Variants in ZC3H3 observed in about 807,000 individuals in gnomAD.
ZC3H3 encodes the protein zinc finger CCCH-type containing 3.
ZC3H3 carries 36 observed loss-of-function variants against 77.3 expected under a neutral mutation model. That is an observed-to-expected ratio of 0.47 (90% CI 0.36 to 0.61). The LOEUF (loss-of-function observed/expected upper bound fraction) is 0.61, where lower values mean the gene tolerates loss of function less well. ZC3H3 is among the 20% of genes least tolerant of loss of function. The probability of loss-of-function intolerance (pLI) is 0.00; values close to 1 mark genes in which losing one functional copy is unlikely to be tolerated. For missense variants in ZC3H3, 1,331 were observed against 1,312.2 expected (o/e 1.01, Z -0.22); for synonymous variants, 626 against 555.2 (o/e 1.13, Z -1.79).
intron 9 of ZC3H3, among the ~76,000 whole-genome samples, chr8:143,454,426 A>T: frequency 8.1e-6 from 1 of 123,060 alleles, no homozygotes. Flanking sequence ...TTTGAGATGG[A>T]GTCTTTCACT....
In ZC3H3 at chr8:143,538,837, G is replaced by A. The variant is rs547169616; in HGVS notation, c.530C>T (p.Thr177Ile). ...PRGQLQPSRP[T>I]RARGTCSVED... is the part of the protein sequence containing the mutation. ...CACACTGCAGGTCCCCCTGGCTCTT[G>A]TTGGCCTCGAGGGCTGCAGCTGTCC... is the stretch of plus-strand genomic sequence containing the variant. The change falls in exon 2 of 12, where the codon ACA (threonine) becomes ATA (isoleucine). Residue 177 changes from threonine to isoleucine, a missense_variant. Around this residue, in one of 3 missense-constraint regions of ZC3H3, gnomAD observed 978 missense variants for 915.5 expected, o/e 1.07. Coordinates refer to ENST00000262577, the MANE Select transcript of ZC3H3 (RefSeq NM_015117.3). 1.9e-6 allele frequency: 3 copies of A among 1,612,190 alleles called. No individual in the cohort carries two copies. The highest frequency in any genetic ancestry group is 2.5e-6 in the Non-Finnish European group (3 of 1,179,708).
chr8:143,515,565 G>C (rs1241227099), intron 3 of ZC3H3, among the ~76,000 whole-genome samples: 1 of 152,226 alleles, frequency 6.6e-6, no homozygotes, highest in Non-Finnish European at 1.5e-5. Context: ...GATTCGGGTA[G>C]GGCTCCTGCC....
intron 3 of ZC3H3, among the ~76,000 whole-genome samples, chr8:143,523,178 C>T (rs1457201323): frequency 6.6e-6 from 1 of 152,238 alleles, no homozygotes. Flanking sequence ...CCACTACTCC[C>T]TCGTCAACCA....
chr8:143,471,687 G>A (rs1563845919), intron 5 of ZC3H3, among the ~76,000 whole-genome samples: 3 of 152,084 alleles, frequency 2.0e-5, no homozygotes. Flanking sequence ...TGGGGAAGCT[G>A]GGGGTAGAAG....
At chr8:143,511,775 G>A (rs940704091) in intron 3 of ZC3H3, among the ~76,000 whole-genome samples, 18 of 152,266 alleles carry the variant, frequency 1.2e-4, no homozygotes, top group Admixed American at 5.2e-4. Flanking sequence ...TAGCAGGCAC[G>A]AGAGTGGGCC....
chr8:143,532,319 G>A (rs1344590791), intron 3 of ZC3H3, among the ~76,000 whole-genome samples: 7 of 152,272 alleles, frequency 4.6e-5, no homozygotes, highest in South Asian at 2.1e-4. Context: ...GAAGTGCGGC[G>A]GGGGAGGGAG....
chr8:143,489,453 C>T (rs1291414288), intron 4 of ZC3H3, among the ~76,000 whole-genome samples: 1 of 152,148 alleles, frequency 6.6e-6, no homozygotes, highest in African/African-American at 2.4e-5. Context: ...GGCTGGGCCA[C>T]GGAGCCCCGC....
rs563976944 is a variant in ZC3H3 at position 143,512,822 on chromosome 8, G to A, written c.1562-4923C>T. Among the ~76,000 whole-genome samples, 35 of 152,340 alleles carry A rather than the reference G, an allele frequency of 2.3e-4. No homozygotes were observed. In the South Asian group the frequency reaches 2.5e-3, roughly 11 times the overall value. On this transcript the variant is annotated intron_variant, in intron 3 of 11. Coordinates refer to ENST00000262577, the MANE Select transcript of ZC3H3 (RefSeq NM_015117.3). ...TCCTCCCACAGAGCAGAGTTCCCAC[G>A]ATTAATCGCCTAATTAGAGCTGTGA...
chr8:143,534,328 G>A (rs1278542622), intron 3 of ZC3H3, among the ~76,000 whole-genome samples: 1 of 150,148 alleles, frequency 6.7e-6, no homozygotes, highest in Non-Finnish European at 1.5e-5. Flanking sequence ...TCCCTCTAGT[G>A]AGGCAGGACC....
At chr8:143,492,706 GGT>G (rs1821242467) in intron 4 of ZC3H3, among the ~76,000 whole-genome samples, 2 of 151,072 alleles carry the variant, frequency 1.3e-5, no homozygotes, top group African/African-American at 4.9e-5. Context: ...CCCTCCTCAG[GGT>G]CCCGTGTCCT....
chr8:143,489,118 G>A (rs1033709739), intron 4 of ZC3H3, among the ~76,000 whole-genome samples: 2 of 152,234 alleles, frequency 1.3e-5, no homozygotes, highest in Non-Finnish European at 2.9e-5. Context: ...GGAGTGAGGT[G>A]GGGCCTGGGT....
At chr8:143,452,059 G>A (rs984035640) in intron 9 of ZC3H3, among the ~76,000 whole-genome samples, 1 of 152,182 alleles carries the variant, frequency 6.6e-6, no homozygotes, top group African/African-American at 2.4e-5. Context: ...CAGGCAAAGG[G>A]CAGCCCAGCA....
chr8:143,489,469 A>G (rs1307488337), intron 4 of ZC3H3, among the ~76,000 whole-genome samples: 1 of 151,842 alleles, frequency 6.6e-6, no homozygotes, highest in Non-Finnish European at 1.5e-5. Flanking sequence ...CCCGCCCACC[A>G]CCGCCTGGCC....
intron 3 of ZC3H3, among the ~76,000 whole-genome samples, chr8:143,531,586 C>T (rs540420700): frequency 1.3e-5 from 2 of 152,364 alleles, no homozygotes; most frequent in South Asian, 4.1e-4. Context: ...AAATTGTGTA[C>T]AGCATATATC....
At chr8:143,505,788 G>A (rs762321797) in intron 4 of ZC3H3, among the ~76,000 whole-genome samples, 2 of 152,236 alleles carry the variant, frequency 1.3e-5, no homozygotes, top group African/African-American at 4.8e-5. Context: ...CACAGCCAGG[G>A]CCTCCAGGGG....
At position 143,533,415 on chromosome 8, in the gene ZC3H3, C is replaced by T. The variant is rs542820899; in HGVS notation, c.1561+2842G>A. Among the ~76,000 whole-genome samples, 14 of 152,326 alleles carry T rather than the reference C, an allele frequency of 9.2e-5. No individual in the cohort carries two copies. The highest frequency in any genetic ancestry group is 3.4e-3 in the Middle Eastern group (1 of 294). ...GCCCTGTGCTCTCCCCCTGCCTGTT[C>T]CTCAGAAGGCATTTTCCACCCAGGA... is the stretch of plus-strand genomic sequence containing the variant. On this transcript the variant is annotated intron_variant, in intron 3 of 11. Coordinates refer to ENST00000262577, the MANE Select transcript of ZC3H3 (RefSeq NM_015117.3). This position sits in a 1 kb window ranked among gnomAD's most constrained non-coding sequence, Gnocchi z 4.0.
At position 143,493,654 on chromosome 8, in the gene ZC3H3, T is replaced by G. The variant is rs1169881375; in HGVS notation, c.1715+14092A>C. On this transcript the variant is annotated intron_variant, in intron 4 of 11. Coordinates refer to ENST00000262577, the MANE Select transcript of ZC3H3 (RefSeq NM_015117.3). This position sits in a 1 kb window ranked among gnomAD's most constrained non-coding sequence, Gnocchi z 4.8. Reference sequence around the variant, plus strand: ...AACAACTTCCAAATTAAGAGTTGCATCCATGCTGTCAAGCCCCTGCTAGCA... The same window carrying G: ...AACAACTTCCAAATTAAGAGTTGCAGCCATGCTGTCAAGCCCCTGCTAGCA... Among the ~76,000 whole-genome samples, 1 of 152,194 alleles carries G rather than the reference T, an allele frequency of 6.6e-6. No individual in the cohort carries two copies. The highest frequency in any genetic ancestry group is 6.5e-5 in the Admixed American group (1 of 15,280).
intron 9 of ZC3H3, among the ~76,000 whole-genome samples, chr8:143,452,263 C>T (rs1820007124): frequency 6.6e-6 from 1 of 152,190 alleles, no homozygotes; most frequent in South Asian, 2.1e-4. Flanking sequence ...CAGTGGAGGC[C>T]ATGTGGAAGA....
At chr8:143,491,532 C>T (rs557077223) in intron 4 of ZC3H3, among the ~76,000 whole-genome samples, 1 of 152,388 alleles carries the variant, frequency 6.6e-6, no homozygotes, top group Admixed American at 6.5e-5. Context: ...TCTTGAGCCC[C>T]ACGGCTGGAG....
Sources: gnomAD v4.1 joint callset for allele counts (sites outside exome capture counted in the v4.1 genomes callset) on GRCh38, gnomAD v4.1.1 for gene constraint, gnomAD v4.1.1 regional missense constraint, Gnocchi (gnomAD v3.1) non-coding constraint, MANE v1.5 for transcripts, NCBI Gene and HGNC (gene_info 2026-07-23, HGNC 2026-07-21) for gene names.